The following DHX35 variants were observed in gnomAD, a reference collection of about 807,000 sequenced individuals.
DHX35 encodes DEAH-box helicase 35.
Under a neutral mutation model 99.6 loss-of-function variants are expected in DHX35, and 84 were observed. The observed-to-expected ratio is 0.84, with a 90% CI of 0.71 to 1.01. The LOEUF (loss-of-function observed/expected upper bound fraction) is 1.01, where lower values mean the gene tolerates loss of function less well. Ranked by LOEUF, DHX35 falls within the 50% of genes least tolerant of loss-of-function variation. DHX35 has a pLI of 0.00. For synonymous variants in DHX35, 331 were observed against 316.2 expected (o/e 1.05, Z -0.50); for missense variants, 852 against 888.5 (o/e 0.96, Z 0.52).
chr20:39,031,895 A>G (rs1019592650), intron 20 of DHX35, among the ~76,000 whole-genome samples: 1 of 152,184 alleles, frequency 6.6e-6, no homozygotes, highest in African/African-American at 2.4e-5. Context: ...GCGTTTGGGA[A>G]GTGGGGAATC....
intron 6 of DHX35, among the ~76,000 whole-genome samples, chr20:38,992,066 G>A (rs924107801): frequency 3.3e-5 from 5 of 152,136 alleles, no homozygotes; most frequent in Non-Finnish European, 7.3e-5. Context: ...TGGGGTTATA[G>A]GTTGGTTATG....
intron 20 of DHX35, among the ~76,000 whole-genome samples, chr20:39,031,403 C>G (rs1489588436): frequency 2.0e-5 from 3 of 148,740 alleles, no homozygotes; most frequent in Non-Finnish European, 4.4e-5. Flanking sequence ...ACGGCGCTAT[C>G]TTGGCTCACT....
intron 1 of DHX35, 191 bp downstream of exon 1, chr20:38,962,598 T>A: frequency 1.6e-6 from 1 of 644,792 alleles, no homozygotes; most frequent in Non-Finnish European, 2.6e-6. Flanking sequence ...GGTGCTCCCC[T>A]AGCGTGAGCA....
At position 38,969,180 on chromosome 20, in the gene DHX35, T is replaced by C. The variant is rs546253307; in HGVS notation, c.140T>C (p.Ile47Thr). ...TACAACCCTTATGCTGCCCTTTCCA[T>C]AGAGCAGCAGAGGCAGAAGCTGCCG... is the stretch of plus-strand genomic sequence containing the variant. Reference protein sequence around the residue: ...VVYNPYAALSIEQQRQKLPVF... With the variant: ...VVYNPYAALSTEQQRQKLPVF... The change falls in exon 2 of 22, where the codon ATA becomes ACA. Residue 47 changes from isoleucine to threonine, a missense_variant. Transcript: ENST00000252011. 2.5e-6 allele frequency: 4 copies of C among 1,613,148 alleles called. No individual in the cohort carries two copies. The African/African-American group carries it at 4.0e-5, about 16-fold the overall frequency.
rs140245638 is a variant in DHX35 at position 38,962,406 on chromosome 20, C to T, written c.39C>T (p.Pro13=). ...APVGPVKFWR[P]GTEGPGVSIS... The stretch of plus-strand genomic sequence containing the variant: ...TGGGACCGGTGAAGTTCTGGCGACC[C>T]GGTAAGGCCCTTGGTGGAACGCTGG... Residue 13 remains proline, a splice_region_variant and synonymous_variant, in exon 1 of 22, where the codon CCC becomes CCT. Coordinates refer to ENST00000252011, the MANE Select transcript of DHX35 (RefSeq NM_021931.4). 2.0e-5 allele frequency: 32 copies of T among 1,612,490 alleles called. No homozygotes were observed. The highest frequency in any genetic ancestry group is 3.3e-5 in the Admixed American group (2 of 59,916).
At chr20:38,972,678 T>TAAAG in intron 3 of DHX35, 27 bp downstream of exon 3, 3 of 1,500,602 alleles carry the variant, frequency 2.0e-6, no homozygotes, top group Non-Finnish European at 2.8e-6. Flanking sequence ...TAAGTGTCTT[T>TAAAG]ACACTTCGAT....
chr20:38,993,685 CTTT>C (rs375593065), intron 7 of DHX35, among the ~76,000 whole-genome samples: 1 of 141,322 alleles, frequency 7.1e-6, no homozygotes. Flanking sequence ...TTTTTCTTTT[CTTT>C]TTTTTTTTTT....
intron 15 of DHX35, among the ~76,000 whole-genome samples, chr20:39,021,105 G>C (rs2086865666): frequency 6.6e-6 from 1 of 152,212 alleles, no homozygotes; most frequent in Non-Finnish European, 1.5e-5. Flanking sequence ...AGGCGTTCCA[G>C]CAGCCCCCAG....
At chr20:39,037,687 T>C (rs1246898207) in intron 21 of DHX35, among the ~76,000 whole-genome samples, 1 of 152,174 alleles carries the variant, frequency 6.6e-6, no homozygotes, top group Non-Finnish European at 1.5e-5. Context: ...ATCTCTTGGT[T>C]ATTGATGATT....
chr20:39,003,669 T>A, intron 10 of DHX35, 80 bp from the exon 11 acceptor site: 1 of 1,519,752 alleles, frequency 6.6e-7, no homozygotes, highest in Non-Finnish European at 8.9e-7. Flanking sequence ...AGATCCCAAC[T>A]TTTATTTTCT....
chr20:39,002,983 T>G, intron 10 of DHX35, 115 bp downstream of exon 10: 2 of 928,938 alleles, frequency 2.2e-6, no homozygotes, highest in Non-Finnish European at 3.2e-6. Context: ...ATTTTGTGGT[T>G]CCATAATTGT....
chr20:38,985,920 A>G (rs899136386), intron 4 of DHX35, among the ~76,000 whole-genome samples: 1 of 152,240 alleles, frequency 6.6e-6, no homozygotes, highest in Non-Finnish European at 1.5e-5. Flanking sequence ...CTAAAAACAG[A>G]TTGCATAAGC....
rs531544112 is a variant in DHX35 at position 38,969,231 on chromosome 20, T to C, written c.174+17T>C. On this transcript the variant is annotated intron_variant, in intron 2 of 21. Transcript: ENST00000252011. ...GTATTCAAGGTACGTCAAATAATCA[T>C]GTTCAACCTGTGGGCTTGAATCGTG... 71 of 1,600,100 alleles carry C rather than the reference T, an allele frequency of 4.4e-5. 1 individual carries two copies. In the South Asian group the frequency reaches 7.2e-4, roughly 16 times the overall value.
At chr20:39,038,377 A>G in intron 21 of DHX35, 122 bp from the exon 22 acceptor site, 5 of 1,115,162 alleles carry the variant, frequency 4.5e-6, no homozygotes, top group Non-Finnish European at 5.2e-6. Flanking sequence ...ACAGCTCAGC[A>G]TTTACTGGGA....
At chr20:39,014,966 T>G (rs1288309062) in intron 14 of DHX35, 32 bp downstream of exon 14, 1 of 1,612,954 alleles carries the variant, frequency 6.2e-7, no homozygotes, top group Non-Finnish European at 8.5e-7. Context: ...TTCTCTCTTA[T>G]TATGTGTTGT....
intron 1 of DHX35, among the ~76,000 whole-genome samples, chr20:38,966,432 G>A (rs1228889513): frequency 6.6e-6 from 1 of 152,228 alleles, no homozygotes; most frequent in African/African-American, 2.4e-5. Context: ...CACTTCGGGA[G>A]GTCGAGGTGG....
intron 4 of DHX35, among the ~76,000 whole-genome samples, chr20:38,987,224 G>A (rs920696010): frequency 1.3e-5 from 2 of 152,064 alleles, no homozygotes; most frequent in Non-Finnish European, 2.9e-5. Flanking sequence ...ATGTGGTGGT[G>A]AATACTAAAC....
Position 39,018,790 on chromosome 20 carries a change from T to C in DHX35, c.1403-14T>C. 1 of 1,612,952 alleles carries C rather than the reference T, an allele frequency of 6.2e-7. No homozygotes were observed. The highest frequency in any genetic ancestry group is 8.5e-7 in the Non-Finnish European group (1 of 1,179,190). ...GTACCTGCCTTCTGATTTCTTTTGT[T>C]GTTCTTATGGCAGGTCTGGACAAAG... On this transcript the variant is annotated splice_polypyrimidine_tract_variant and intron_variant, in intron 14 of 21. Transcript: ENST00000252011.
intron 5 of DHX35, among the ~76,000 whole-genome samples, chr20:38,989,844 C>A (rs977036057): frequency 1.3e-5 from 2 of 152,130 alleles, no homozygotes; most frequent in Non-Finnish European, 2.9e-5. Flanking sequence ...GTACTACCTA[C>A]CACCGTGCTA....
Sources: gnomAD v4.1 joint callset for allele counts (sites outside exome capture counted in the v4.1 genomes callset) on GRCh38, gnomAD v4.1.1 for gene constraint, MANE v1.5 for transcripts, NCBI Gene and HGNC (gene_info 2026-07-23, HGNC 2026-07-21) for gene names.